The following MALRD1 variants were observed in gnomAD, a reference collection of about 807,000 sequenced individuals.
MALRD1 encodes the protein MAM and LDL-receptor class A domain-containing protein 1.
In MALRD1, 247 loss-of-function variants were observed where a neutral mutation model predicts 242.1. The ratio of observed to expected loss-of-function variants is 1.02; its 90% CI spans 0.92 to 1.13. The LOEUF (loss-of-function observed/expected upper bound fraction) is 1.13. Among genes scored for constraint, MALRD1 ranks in the 50% most tolerant of loss-of-function variants. The pLI is 0.00. For synonymous variants in MALRD1, 995 were observed against 866.6 expected, an observed-to-expected ratio of 1.15 and a Z score of -2.60; for missense variants, 2,989 against 2,533.1, an observed-to-expected ratio of 1.18 and a Z score of -3.86.
chr10:19,565,659 T>C (rs868848145), intron 32 of MALRD1, among the ~76,000 whole-genome samples: 4 of 152,206 alleles, frequency 2.6e-5, no homozygotes, highest in Middle Eastern at 3.2e-3. Context: ...CACCAGATCC[T>C]GGAGCTGAAG....
chr10:19,223,067 A>G (rs1225063893), intron 18 of MALRD1, among the ~76,000 whole-genome samples: 1 of 152,190 alleles, frequency 6.6e-6, no homozygotes, highest in Non-Finnish European at 1.5e-5. Context: ...CTCACTATAG[A>G]TTAGGGACAT....
intron 34 of MALRD1, among the ~76,000 whole-genome samples, chr10:19,600,359 G>A (rs569697237): frequency 3.3e-5 from 5 of 152,266 alleles, no homozygotes; most frequent in Non-Finnish European, 7.4e-5. Context: ...GGAGGACTAA[G>A]TGAAATCAAT....
intron 26 of MALRD1, among the ~76,000 whole-genome samples, chr10:19,368,073 G>A (rs1482714074): frequency 6.6e-6 from 1 of 152,018 alleles, no homozygotes; most frequent in African/African-American, 2.4e-5. Context: ...TTACCCGGTT[G>A]ATTGTTTTCT....
At chr10:19,216,119 C>CTTTCTTT (rs1554812815) in intron 18 of MALRD1, among the ~76,000 whole-genome samples, 3 of 122,812 alleles carry the variant, frequency 2.4e-5, no homozygotes, top group Non-Finnish European at 3.2e-5. Flanking sequence ...TTCTTTCTTT[C>CTTTCTTT]TTTTTTTTTT....
At chr10:19,659,695 T>G (rs1305739945) in intron 36 of MALRD1, among the ~76,000 whole-genome samples, 1 of 152,144 alleles carries the variant, frequency 6.6e-6, no homozygotes. Flanking sequence ...AGATTACATA[T>G]AGATTGCATA....
At chr10:19,061,774 A>G (rs1451816165) in intron 1 of MALRD1, among the ~76,000 whole-genome samples, 1 of 152,216 alleles carries the variant, frequency 6.6e-6, no homozygotes, top group Non-Finnish European at 1.5e-5. Context: ...TATACCATAT[A>G]CAACAAGGTA....
At chr10:19,051,347 A>G (rs796838451) in intron 1 of MALRD1, 16 of 152,302 alleles carry the variant, frequency 1.1e-4, no homozygotes, top group African/African-American at 3.6e-4. Context: ...GAAATAGATT[A>G]ATGTGTCAAC....
At chr10:19,553,749 A>G (rs1835594230) in intron 32 of MALRD1, among the ~76,000 whole-genome samples, 1 of 152,202 alleles carries the variant, frequency 6.6e-6, no homozygotes, top group Non-Finnish European at 1.5e-5. Context: ...GGTAGCATAC[A>G]TGATGTTGTG....
chr10:19,208,631 T>TA (rs1181022682), intron 17 of MALRD1, among the ~76,000 whole-genome samples: 3 of 152,132 alleles, frequency 2.0e-5, no homozygotes, highest in African/African-American at 7.2e-5. Context: ...GGGTGCTTGT[T>TA]AAAAATGTGG....
At chr10:19,312,070 T>C (rs910234855) in intron 21 of MALRD1, among the ~76,000 whole-genome samples, 3 of 151,238 alleles carry the variant, frequency 2.0e-5, no homozygotes, top group Non-Finnish European at 4.4e-5. Context: ...TGTAGGGCAA[T>C]GTAAAGGTCA....
intron 21 of MALRD1, among the ~76,000 whole-genome samples, chr10:19,304,407 A>T (rs1031097433): frequency 6.6e-6 from 1 of 151,370 alleles, no homozygotes; most frequent in Non-Finnish European, 1.5e-5. Context: ...TCTATATCCT[A>T]TTGTTACTGT....
intron 24 of MALRD1, among the ~76,000 whole-genome samples, chr10:19,336,246 C>T (rs1252880037): frequency 1.3e-5 from 2 of 152,146 alleles, no homozygotes; most frequent in Non-Finnish European, 2.9e-5. Flanking sequence ...GCCATTGATA[C>T]AGAGACTTCT....
chr10:19,719,216 A>ATATGTG, intron 38 of MALRD1, among the ~76,000 whole-genome samples: 1 of 56,612 alleles, frequency 1.8e-5, no homozygotes, highest in East Asian at 4.2e-4. Context: ...ATATATACAC[A>ATATGTG]TACATACATA....
chr10:19,371,940 T>C (rs929944389), intron 26 of MALRD1, among the ~76,000 whole-genome samples: 13 of 152,132 alleles, frequency 8.5e-5, no homozygotes, highest in African/African-American at 1.2e-4. Flanking sequence ...CCCACAGATA[T>C]GAGTATACAG....
At chr10:19,530,360 T>C (rs1345914829) in intron 31 of MALRD1, among the ~76,000 whole-genome samples, 1 of 109,022 alleles carries the variant, frequency 9.2e-6, no homozygotes, top group Non-Finnish European at 1.6e-5. Flanking sequence ...ATATAATATT[T>C]ATATAAATAT....
At chr10:19,404,152 A>C (rs1396142347) in intron 28 of MALRD1, among the ~76,000 whole-genome samples, 1 of 152,080 alleles carries the variant, frequency 6.6e-6, no homozygotes, top group Non-Finnish European at 1.5e-5. Context: ...CATATAAGTA[A>C]AACTTTTACA....
At chr10:19,463,464 GTTAGT>G (rs1836048845) in intron 29 of MALRD1, among the ~76,000 whole-genome samples, 1 of 152,030 alleles carries the variant, frequency 6.6e-6, no homozygotes, top group Non-Finnish European at 1.5e-5. Context: ...CCATTCCCAA[GTTAGT>G]TTACTTAGAA....
chr10:19,308,847 C>T (rs1842323211), intron 21 of MALRD1, among the ~76,000 whole-genome samples: 1 of 151,504 alleles, frequency 6.6e-6, no homozygotes, highest in South Asian at 2.1e-4. Flanking sequence ...GAAAGAAATG[C>T]AGTTTAATCT....
chr10:19,532,736 A>G (rs1252257470), intron 32 of MALRD1, among the ~76,000 whole-genome samples: 2 of 71,696 alleles, frequency 2.8e-5, no homozygotes. Context: ...TTGAGAATTT[A>G]TCCTGACTCT....
Sources: gnomAD v4.1 joint callset for allele counts (sites outside exome capture counted in the v4.1 genomes callset) on GRCh38, gnomAD v4.1.1 for gene constraint, MANE v1.5 for transcripts, NCBI Gene and HGNC (gene_info 2026-07-23, HGNC 2026-07-21) for gene names.